ZNF335: variants seen among roughly 807,000 people sequenced by gnomAD.
ZNF335 encodes NRC-interacting factor 1.
ZNF335 carries 84 observed loss-of-function variants against 145.6 expected under a neutral mutation model. The observed-to-expected ratio is 0.58, with a 90% CI of 0.48 to 0.69. The LOEUF is 0.69. ZNF335 is among the 30% of genes least tolerant of loss of function. ZNF335 has a pLI of 0.00. For missense variants in ZNF335, 1,865 were observed against 1,809.7 expected (o/e 1.03, Z -0.55); for synonymous variants, 761 against 717.0 (o/e 1.06, Z -0.98).
At position 45,959,301 on chromosome 20, in the gene ZNF335, G is replaced by A; in HGVS notation, c.2153C>T (p.Ser718Phe). Residue 718 changes from serine (S) to phenylalanine (F), a missense_variant, in exon 15 of 28, where the codon TCC (serine) becomes TTC (phenylalanine). Coordinates refer to ENST00000322927, the MANE Select transcript of ZNF335 (RefSeq NM_022095.4). ...CAGAGAGAAGAAGGGGCGACGGCGG[G>A]AGGGGGGCTCCTCAGGGTGGCGCCT... Reference protein sequence around the residue: ...WGRRHPEEPPSRRRPFFSLQQ... With the variant: ...WGRRHPEEPPFRRRPFFSLQQ... 1.3e-6 allele frequency: 2 copies of A among 1,567,352 alleles called. No individual in the cohort carries two copies. Among genetic ancestry groups the A allele is most frequent in the Non-Finnish European group, 1.7e-6 (2 of 1,152,634 alleles).
intron 2 of ZNF335, among the ~76,000 whole-genome samples, chr20:45,970,644 A>C (rs1213588663): frequency 2.6e-5 from 4 of 152,138 alleles, no homozygotes; most frequent in Non-Finnish European, 5.9e-5. Flanking sequence ...GCTCACAATC[A>C]AGCACCCTTG....
rs903540737 is a variant in ZNF335 at position 45,950,536 on chromosome 20, G to A, written c.3249C>T (p.Ala1083=). The part of the protein sequence containing the change: ...RPHQCSQCSF[A]SKNKKDLRRH... ...GACGCAGGTCCTTCTTGTTCTTGGA[G>A]GCAAAGCTGCACTGGCTACACTGGT... The change falls in exon 21 of 28, where the codon GCC becomes GCT. Residue 1083 remains alanine, a synonymous_variant. Transcript: ENST00000322927. The A allele has an allele frequency of 8.7e-6, 14 of 1,614,202 alleles. No homozygotes were observed. The highest frequency in any genetic ancestry group is 1.1e-5 in the Non-Finnish European group (13 of 1,180,046).
At chr20:45,958,393 C>T (rs2083767124) in intron 15 of ZNF335, among the ~76,000 whole-genome samples, 1 of 152,206 alleles carries the variant, frequency 6.6e-6, no homozygotes, top group African/African-American at 2.4e-5. Flanking sequence ...CAGATGAACC[C>T]ACTAAGGCTC....
intron 20 of ZNF335, among the ~76,000 whole-genome samples, chr20:45,951,558 T>TTC (rs2083632207): frequency 1.3e-5 from 2 of 152,240 alleles, no homozygotes; most frequent in African/African-American, 4.8e-5. Context: ...GTTCATCAGA[T>TTC]ATTAGTTAGA....
chr20:45,971,756 A>C, intron 1 of ZNF335: 1 of 985,390 alleles, frequency 1.0e-6, no homozygotes, highest in Non-Finnish European at 1.2e-6. Context: ...ATCCGGGCCC[A>C]GTGGTTCAGC....
At position 45,952,037 on chromosome 20, in the gene ZNF335, C is replaced by T; in HGVS notation, c.3189+110G>A. The T allele has an allele frequency of 5.6e-6, 8 of 1,435,374 alleles. No individual in the cohort carries two copies. The South Asian group carries it at 5.9e-5, about 11-fold the overall frequency. 88.9% of individuals were successfully genotyped at this position (1,435,374 alleles called of 1,614,324 possible). On this transcript the variant is annotated intron_variant, in intron 20 of 27. Coordinates refer to ENST00000322927, the MANE Select transcript of ZNF335 (RefSeq NM_022095.4). ...AGTCATCTCTGACCCATCTCATCCACTCAGAGGAGAGCAGAGGATCTGGCT... is the reference window on the plus strand; with the variant it reads ...AGTCATCTCTGACCCATCTCATCCATTCAGAGGAGAGCAGAGGATCTGGCT...
Position 45,970,914 on chromosome 20 carries a change from T to C in ZNF335, c.201+296A>G, listed in dbSNP as rs145802687. 7.2e-3 allele frequency among the ~76,000 whole-genome samples: 1,091 copies of C among 152,240 alleles called. 2 individuals are homozygous for C. Among genetic ancestry groups the C allele is most frequent in the Non-Finnish European group, 0.011 (754 of 68,008 alleles). On this transcript the variant is annotated intron_variant, in intron 2 of 27. Coordinates refer to ENST00000322927, the MANE Select transcript of ZNF335 (RefSeq NM_022095.4). ...GCCTAGACATCTGCCTCTCAAAGTG[T>C]GAGGACTGTGGGTAGTATAGTAGCT...
intron 20 of ZNF335, among the ~76,000 whole-genome samples, chr20:45,950,954 G>A (rs1482366659): frequency 1.3e-5 from 2 of 151,990 alleles, no homozygotes; most frequent in African/African-American, 4.8e-5. Context: ...GTGCAATGGC[G>A]TGATCTCGGC....
Position 45,953,822 on chromosome 20 carries a change from C to T in ZNF335, c.2569G>A (p.Ala857Thr), listed in dbSNP as rs770974100. ...TCAGGAGGGCCTAGCTGGCTCTCGG[C>T]TGCTGCACCGCCCCCTGGCTCTGCC... ...HVAEPGGGAA[A>T]ESQLGPPDLP... The change falls in exon 18 of 28, where the codon GCC (alanine) becomes ACC (threonine). Residue 857 changes from alanine to threonine, a missense_variant. Physicochemically the swap from Ala to Thr is moderately conservative, Grantham distance 58 (BLOSUM62 0). Coordinates refer to ENST00000322927, the MANE Select transcript of ZNF335 (RefSeq NM_022095.4). The T allele has an allele frequency of 1.9e-6, 3 of 1,614,102 alleles. No individual in the cohort carries two copies. In the East Asian group the frequency reaches 6.7e-5, roughly 36 times the overall value.
chr20:45,968,205 C>T lies in ZNF335; in HGVS notation c.520+80G>A, dbSNP rs144623567. The stretch of plus-strand genomic sequence containing the variant: ...GTGGATACCCAGCCAGGGCCACAGA[C>T]GGAATCCGCGGCAGAACCTGTCCTC... On this transcript the variant is annotated intron_variant, in intron 4 of 27. Transcript: ENST00000322927. 7,050 of 1,533,278 alleles carry T rather than the reference C, an allele frequency of 4.6e-3. 42 individuals carry two copies. The highest frequency in any genetic ancestry group is 0.041 in the Middle Eastern group (242 of 5,856). 95.0% of individuals were successfully genotyped at this position (1,533,278 alleles called of 1,614,324 possible). A position where few individuals can be genotyped will look rare whatever the true frequency, so the allele number is the denominator to read the frequency against.
chr20:45,965,617 C>A lies in ZNF335; in HGVS notation c.1102+11G>T. 1 of 1,591,234 alleles carries A rather than the reference C, an allele frequency of 6.3e-7. No homozygotes were observed. The highest frequency in any genetic ancestry group is 8.5e-7 in the Non-Finnish European group (1 of 1,170,884). ...CCACCCACACGAGCCCCTCCCAAGA[C>A]CAAGCCTCACCATCTGGGAGGTCTG... On this transcript the variant is annotated intron_variant, in intron 7 of 27. Transcript: ENST00000322927.
rs2083588696 is a variant in ZNF335 at position 45,949,547 on chromosome 20, C to T, written c.3691G>A (p.Asp1231Asn). ...TGGGGGAGCAGGTGCTGGACACCAT[C>T]CTGGGAGATGATATACTGCACCTGT... is the stretch of plus-strand genomic sequence containing the variant. ...DNQVQYIISQ[D>N]GVQHLLPQEY... is the part of the protein sequence containing the mutation. The change falls in exon 25 of 28, where the codon GAT becomes AAT. Residue 1231 changes from aspartate (D) to asparagine (N), a missense_variant. Asp to Asn is a conservative substitution (Grantham distance 23, BLOSUM62 1). Coordinates refer to ENST00000322927, the MANE Select transcript of ZNF335 (RefSeq NM_022095.4). 1.2e-6 allele frequency: 2 copies of T among 1,612,856 alleles called. No individual in the cohort carries two copies. The highest frequency in any genetic ancestry group is 1.7e-6 in the Non-Finnish European group (2 of 1,179,836).
chr20:45,965,500 G>A (rs1177819409), intron 7 of ZNF335, 128 bp downstream of exon 7: 19 of 1,136,052 alleles, frequency 1.7e-5, no homozygotes, highest in South Asian at 3.4e-5. Context: ...CTGGAGGCCT[G>A]CAGGTGACCC....
chr20:45,960,990 G>T, intron 10 of ZNF335, 108 bp from the exon 11 acceptor site: 1 of 1,463,410 alleles, frequency 6.8e-7, no homozygotes, highest in South Asian at 1.2e-5. Flanking sequence ...CCCTGCCAAG[G>T]CCCCTTTCTC....
chr20:45,950,533 G>A lies in ZNF335; in HGVS notation c.3252C>T (p.Ser1084=), dbSNP rs377541979. 6.2e-7 allele frequency: 1 copy of A among 1,614,090 alleles called. No homozygotes were observed. Among genetic ancestry groups the A allele is most frequent in the African/African-American group, 1.3e-5 (1 of 74,928 alleles). Residue 1084 remains serine (S), a synonymous_variant, in exon 21 of 28, where the codon TCC becomes TCT. Transcript: ENST00000322927. ...PHQCSQCSFA[S]KNKKDLRRHM... Reference sequence around the variant, plus strand: ...GCCGACGCAGGTCCTTCTTGTTCTTGGAGGCAAAGCTGCACTGGCTACACT... The same window carrying A: ...GCCGACGCAGGTCCTTCTTGTTCTTAGAGGCAAAGCTGCACTGGCTACACT...
At position 45,960,736 on chromosome 20, in the gene ZNF335, G is replaced by C. The variant is rs374480058; in HGVS notation, c.1666-4C>G. On this transcript the variant is annotated splice_region_variant and splice_polypyrimidine_tract_variant and intron_variant, in intron 11 of 27. Transcript: ENST00000322927. ...GGAAAGAGCTCAGCTTTGGAGTCTAGGAAGGCATAAGAAGGGGCCAGATGG... is the reference window on the plus strand; with the variant it reads ...GGAAAGAGCTCAGCTTTGGAGTCTACGAAGGCATAAGAAGGGGCCAGATGG... 1 of 1,613,618 alleles carries C rather than the reference G, an allele frequency of 6.2e-7. No homozygotes were observed. Among genetic ancestry groups the C allele is most frequent in the Non-Finnish European group, 8.5e-7 (1 of 1,179,742 alleles).
At chr20:45,950,632 C>A in intron 20 of ZNF335, 37 bp from the exon 21 acceptor site, 1 of 1,608,238 alleles carries the variant, frequency 6.2e-7, no homozygotes, top group South Asian at 1.1e-5. Flanking sequence ...TTGGCTGGGT[C>A]AGGACAGATG....
At chr20:45,967,110 G>C (rs1312055892) in intron 6 of ZNF335, 1 of 202,554 alleles carries the variant, frequency 4.9e-6, no homozygotes, top group Non-Finnish European at 1.0e-5. Flanking sequence ...AGGCATGCTG[G>C]CAGGCACCTG....
chr20:45,960,182 T>C, intron 14 of ZNF335, 26 bp downstream of exon 14: 10 of 1,612,382 alleles, frequency 6.2e-6, no homozygotes, highest in Non-Finnish European at 8.5e-6. Flanking sequence ...GGCTGGTGAG[T>C]GGGGCTGGGG....
Sources: gnomAD v4.1 joint callset for allele counts (sites outside exome capture counted in the v4.1 genomes callset) on GRCh38, gnomAD v4.1.1 for gene constraint, MANE v1.5 for transcripts, NCBI Gene and HGNC (gene_info 2026-07-23, HGNC 2026-07-21) for gene names.